The following DHX8 variants were observed in gnomAD, a reference collection of about 807,000 sequenced individuals.
The protein encoded by DHX8 is ATP-dependent RNA helicase DHX8.
In DHX8, 67 loss-of-function variants were observed where a neutral mutation model predicts 140.7. That is an observed-to-expected ratio of 0.48 (90% CI 0.39 to 0.58). DHX8 has a LOEUF of 0.58. Ranked by LOEUF, DHX8 falls within the 20% of genes least tolerant of loss-of-function variation. The pLI, the probability that DHX8 is intolerant of heterozygous loss-of-function variation, is 0.00. For synonymous variants in DHX8, 533 were observed against 553.2 expected (o/e 0.96, Z 0.51); for missense variants, 887 against 1,550.7 (o/e 0.57, Z 7.19).
chr17:43,499,421 C>G (rs1362937358), intron 10 of DHX8, among the ~76,000 whole-genome samples: 1 of 152,188 alleles, frequency 6.6e-6, no homozygotes, highest in African/African-American at 2.4e-5. Context: ...TTAAAGGTCT[C>G]CCAGCCCAGC....
chr17:43,491,917 C>G (rs1968542413), intron 4 of DHX8, among the ~76,000 whole-genome samples: 1 of 152,146 alleles, frequency 6.6e-6, no homozygotes, highest in African/African-American at 2.4e-5. Context: ...ATAATCATCA[C>G]TTGCATTCTT....
At chr17:43,509,166 A>G (rs1490585523) in intron 16 of DHX8, among the ~76,000 whole-genome samples, 1 of 152,086 alleles carries the variant, frequency 6.6e-6, no homozygotes, top group Non-Finnish European at 1.5e-5. Context: ...TGAAAATGCC[A>G]CTCATGCTTG....
At position 43,508,334 on chromosome 17, in the gene DHX8, C is replaced by T. The variant is rs934567052; in HGVS notation, c.2321-5C>T. 6.8e-6 allele frequency: 11 copies of T among 1,609,740 alleles called. No individual in the cohort carries two copies. The highest frequency in any genetic ancestry group is 3.4e-5 in the Admixed American group (2 of 59,650). On this transcript the variant is annotated splice_region_variant and splice_polypyrimidine_tract_variant and intron_variant, in intron 15 of 22. Coordinates refer to ENST00000262415, the MANE Select transcript of DHX8 (RefSeq NM_004941.3). ...AAGTAGATGAATGTTCTATTCTGCT[C>T]GTAGGTGATATCCTGGTCTTCCTGA...
At chr17:43,526,430 G>C, downstream of DHX8, 1 of 1,531,212 alleles carries the variant, frequency 6.5e-7, no homozygotes, top group Non-Finnish European at 8.7e-7. Context: ...GCTGGGTCAG[G>C]CTCCTCGGTC....
In DHX8 at chr17:43,524,236, T is replaced by A; in HGVS notation, c.*389T>A. On this transcript the variant is annotated 3_prime_UTR_variant, in exon 23 of 23. Transcript: ENST00000262415. ...CAGGAGCTACTGTGCTCATCTAAAG[T>A]GTTTGCCCCACTTCCCACCCCGTCT... The A allele has an allele frequency of 9.6e-7, 1 of 1,044,902 alleles. No homozygotes were observed. Among genetic ancestry groups the A allele is most frequent in the Non-Finnish European group, 1.2e-6 (1 of 866,388 alleles). 64.7% of individuals were successfully genotyped at this position (1,044,902 alleles called of 1,614,324 possible).
At chr17:43,511,455 C>CCTTTTTTTTTTTTT (rs1279628229) in intron 16 of DHX8, among the ~76,000 whole-genome samples, 3 of 6,592 alleles carry the variant, frequency 4.6e-4, no homozygotes, top group Non-Finnish European at 6.2e-4. Context: ...GTGATCCCAG[C>CCTTTTTTTTTTTTT]ATTTTTTTTT....
At chr17:43,484,998 C>T (rs1968052190) in intron 1 of DHX8, among the ~76,000 whole-genome samples, 1 of 151,970 alleles carries the variant, frequency 6.6e-6, no homozygotes, top group Non-Finnish European at 1.5e-5. Flanking sequence ...TCTGGGGAGC[C>T]GAAACTGAGG....
chr17:43,520,301 G>A (rs768137318), intron 19 of DHX8, 34 bp downstream of exon 19: 1 of 1,607,730 alleles, frequency 6.2e-7, no homozygotes, highest in Non-Finnish European at 8.5e-7. Context: ...GTGCTTTTGG[G>A]AAGATTCCCT....
chr17:43,541,038 G>A (rs1971495261), intron 3 of DHX8, among the ~76,000 whole-genome samples: 1 of 152,048 alleles, frequency 6.6e-6, no homozygotes, highest in African/African-American at 2.4e-5. Context: ...TCCTGCCTCG[G>A]GCCTGACAGT....
intron 16 of DHX8, among the ~76,000 whole-genome samples, chr17:43,510,171 C>T (rs755097935): frequency 1.3e-5 from 2 of 152,108 alleles, no homozygotes; most frequent in Non-Finnish European, 2.9e-5. Flanking sequence ...GCCTCAGCCT[C>T]CCGAGTAGCT....
At chr17:43,542,307 A>G (rs184387830) in intron 3 of DHX8, among the ~76,000 whole-genome samples, 19 of 152,272 alleles carry the variant, frequency 1.2e-4, no homozygotes, top group Admixed American at 3.3e-4. Flanking sequence ...CAACCTATCC[A>G]TAGGGCTTCT....
chr17:43,526,028 TAGAGCTGA>T (rs1203274935), downstream of DHX8: 2 of 985,258 alleles, frequency 2.0e-6, no homozygotes, highest in Middle Eastern at 5.2e-4. Context: ...CTCTCTACGC[TAGAGCTGA>T]GGTCACTTCT....
downstream of DHX8, chr17:43,525,827 G>T: frequency 1.0e-6 from 1 of 985,248 alleles, no homozygotes; most frequent in Non-Finnish European, 1.2e-6. Context: ...GGATATAGTG[G>T]CCCAGCCTGT....
chr17:43,529,588 C>T, downstream of DHX8: 2 of 1,614,114 alleles, frequency 1.2e-6, no homozygotes, highest in Non-Finnish European at 1.7e-6. Flanking sequence ...CCAGCAAGGC[C>T]ACCAGAAATT....
At chr17:43,539,393 A>T (rs1971406832) in intron 3 of DHX8, among the ~76,000 whole-genome samples, 1 of 152,034 alleles carries the variant, frequency 6.6e-6, no homozygotes, top group African/African-American at 2.4e-5. Context: ...CCTAAACCAA[A>T]GTGGTTCCTC....
chr17:43,508,314 G>A, intron 15 of DHX8, 25 bp from the exon 16 acceptor site: 1 of 1,597,132 alleles, frequency 6.3e-7, no homozygotes, highest in Non-Finnish European at 8.5e-7. Context: ...ACAGAAAGTA[G>A]ATGAATGTTC....
intron 9 of DHX8, among the ~76,000 whole-genome samples, chr17:43,498,140 GTT>G (rs1334963814): frequency 6.3e-5 from 9 of 142,618 alleles, no homozygotes; most frequent in Admixed American, 7.0e-5. Context: ...CTGGGAAGGT[GTT>G]TTTTTTTTTT....
chr17:43,522,830 G>A (rs1340231330), intron 22 of DHX8, among the ~76,000 whole-genome samples: 1 of 150,492 alleles, frequency 6.6e-6, no homozygotes, highest in Non-Finnish European at 1.5e-5. Context: ...TTGGGAGGCC[G>A]AGGCAGGTGG....
At chr17:43,491,710 T>C (rs1968529060) in intron 4 of DHX8, among the ~76,000 whole-genome samples, 1 of 152,034 alleles carries the variant, frequency 6.6e-6, no homozygotes. Context: ...ATATCCTAAT[T>C]TTGGGGTAGG....
Sources: gnomAD v4.1 joint callset for allele counts (sites outside exome capture counted in the v4.1 genomes callset) on GRCh38, gnomAD v4.1.1 for gene constraint, MANE v1.5 for transcripts, NCBI Gene and HGNC (gene_info 2026-07-23, HGNC 2026-07-21) for gene names.